Variants in TAOK1 observed in about 807,000 individuals in gnomAD.
TAOK1 encodes TAO kinase 1.
A neutral mutation model predicts 138.3 loss-of-function variants in TAOK1; 21 were observed. The ratio of observed to expected loss-of-function variants is 0.15; its 90% CI spans 0.11 to 0.22. The LOEUF is 0.22. TAOK1 is among the 10% of genes least tolerant of loss of function. The pLI is 1.00. For synonymous variants in TAOK1, 361 were observed against 398.4 expected (o/e 0.91, Z 1.12); for missense variants, 651 against 1,227.7 (o/e 0.53, Z 7.02).
At chr17:29,403,051 C>T (rs1166467624) in intron 1 of TAOK1, among the ~76,000 whole-genome samples, 1 of 148,118 alleles carries the variant, frequency 6.8e-6, no homozygotes, top group Non-Finnish European at 1.5e-5. Flanking sequence ...ATCCCAGCTA[C>T]TAGGGAGCCT....
Position 29,423,971 on chromosome 17 carries a change from C to A in TAOK1, c.-94-27484C>A, listed in dbSNP as rs552513468. On this transcript the variant is annotated intron_variant, in intron 1 of 19. Coordinates refer to ENST00000261716, the MANE Select transcript of TAOK1 (RefSeq NM_020791.4). ...GGCTGAGGCAGAAGAATTGCTTGAA[C>A]CCGGGAGGCGGAGGTTGCAGTGAGC... is the stretch of plus-strand genomic sequence containing the variant. Among the ~76,000 whole-genome samples, 3 of 150,934 alleles carry A rather than the reference C, an allele frequency of 2.0e-5. No homozygotes were observed. In the South Asian group the frequency reaches 6.3e-4, roughly 32 times the overall value.
At chr17:29,520,183 GAAA>G (rs535870675) in intron 16 of TAOK1, among the ~76,000 whole-genome samples, 1 of 70,190 alleles carries the variant, frequency 1.4e-5, no homozygotes. Context: ...TCTGTCTGAA[GAAA>G]AAAAAAAAAA....
intron 1 of TAOK1, among the ~76,000 whole-genome samples, chr17:29,413,089 A>G (rs893287869): frequency 2.0e-5 from 3 of 151,940 alleles, no homozygotes; most frequent in Middle Eastern, 6.8e-3. Context: ...ACTGAGACTC[A>G]GAATTAAGAC....
chr17:29,442,295 C>G (rs1365949709), intron 1 of TAOK1, among the ~76,000 whole-genome samples: 1 of 151,908 alleles, frequency 6.6e-6, no homozygotes, highest in Non-Finnish European at 1.5e-5. Context: ...GTTTTCCCAC[C>G]TAGGCCTCCC....
At chr17:29,500,222 T>C (rs2031498958) in intron 12 of TAOK1, among the ~76,000 whole-genome samples, 1 of 151,928 alleles carries the variant, frequency 6.6e-6, no homozygotes, top group Non-Finnish European at 1.5e-5. Context: ...GCTAAGGTGG[T>C]AGGTTCACTT....
chr17:29,430,885 CA>C (rs1905806575), intron 1 of TAOK1, among the ~76,000 whole-genome samples: 1 of 152,068 alleles, frequency 6.6e-6, no homozygotes, highest in South Asian at 2.1e-4. Context: ...TTTTGATGGC[CA>C]GGGGTAGTAT....
chr17:29,434,431 C>T (rs1390951929), intron 1 of TAOK1, among the ~76,000 whole-genome samples: 4 of 152,082 alleles, frequency 2.6e-5, no homozygotes, highest in African/African-American at 7.2e-5. Flanking sequence ...AAGAGGGAAG[C>T]AGGCCTCCCT....
rs936804037 is a variant in TAOK1 at position 29,546,927 on chromosome 17, CCT to C, written c.*3908_*3909del. The C allele has an allele frequency of 8.6e-5, 13 of 151,980 alleles. No homozygotes were observed. The highest frequency in any genetic ancestry group is 3.1e-4 in the African/African-American group (13 of 41,390). The allele number at this position is 151,980 out of a possible 1,614,324, so 9.4% of individuals were successfully genotyped here. A position where few individuals can be genotyped will look rare whatever the true frequency, so the allele number is the denominator to read the frequency against. ...GATGCAGTCTTTTCCTTTTTAATCC[CCT>C]CTTAGCACTTCTGTGAGTGGAGAGG... On this transcript the variant is annotated 3_prime_UTR_variant, in exon 20 of 20. Coordinates refer to ENST00000261716, the MANE Select transcript of TAOK1 (RefSeq NM_020791.4).
chr17:29,428,601 G>A (rs1442882406), intron 1 of TAOK1, among the ~76,000 whole-genome samples: 1 of 152,058 alleles, frequency 6.6e-6, no homozygotes, highest in Non-Finnish European at 1.5e-5. Context: ...ATAATTTGAG[G>A]TGGTAATTAT....
At chr17:29,507,778 G>A in intron 13 of TAOK1, 118 bp from the exon 14 acceptor site, 1 of 910,158 alleles carries the variant, frequency 1.1e-6, no homozygotes, top group Non-Finnish European at 1.6e-6. Flanking sequence ...CTTGGAATCT[G>A]CTAACATTGG....
chr17:29,502,678 C>G lies in TAOK1; in HGVS notation c.1293C>G (p.His431Gln). 6.2e-7 allele frequency: 1 copy of G among 1,613,918 alleles called. No homozygotes were observed. Among genetic ancestry groups the G allele is most frequent in the South Asian group, 1.1e-5 (1 of 91,080 alleles). Residue 431 changes from histidine (H) to glutamine (Q), a missense_variant, in exon 13 of 20, where the codon CAC becomes CAG. Transcript: ENST00000261716. ...SPPQVSRHKS[H>Q]YRNREHFATI... ...CCCAAGTATCTCGTCACAAATCACA[C>G]TATCGTAATCGAGAACACTTTGCTA...
At chr17:29,471,620 C>G (rs1230114208) in intron 3 of TAOK1, among the ~76,000 whole-genome samples, 1 of 152,086 alleles carries the variant, frequency 6.6e-6, no homozygotes, top group Non-Finnish European at 1.5e-5. Flanking sequence ...TAATTTGAGC[C>G]TTCAGCATGT....
intron 1 of TAOK1, among the ~76,000 whole-genome samples, chr17:29,436,827 A>G (rs769587140): frequency 2.0e-5 from 3 of 152,310 alleles, no homozygotes; most frequent in Middle Eastern, 3.4e-3. Flanking sequence ...TAAACGTGTC[A>G]CATAATCCTG....
At chr17:29,526,277 C>T (rs751025119) in intron 17 of TAOK1, among the ~76,000 whole-genome samples, 1 of 152,036 alleles carries the variant, frequency 6.6e-6, no homozygotes, top group Non-Finnish European at 1.5e-5. Flanking sequence ...AAGGGCAAAA[C>T]TCCATCTCAA....
chr17:29,431,221 G>A (rs750015258), intron 1 of TAOK1, among the ~76,000 whole-genome samples: 1 of 152,142 alleles, frequency 6.6e-6, no homozygotes, highest in Non-Finnish European at 1.5e-5. Flanking sequence ...AGGTGAGAGT[G>A]CTTGCGCTCT....
intron 1 of TAOK1, among the ~76,000 whole-genome samples, chr17:29,442,644 A>G (rs2029975452): frequency 6.6e-6 from 1 of 152,202 alleles, no homozygotes; most frequent in Admixed American, 6.5e-5. Flanking sequence ...ATAGGATAGT[A>G]TGGTTAAGAA....
chr17:29,536,936 G>A (rs573263978), intron 19 of TAOK1, among the ~76,000 whole-genome samples: 11 of 152,168 alleles, frequency 7.2e-5, no homozygotes, highest in African/African-American at 2.4e-4. Context: ...TCCTGACCTC[G>A]TGATCCGCCT....
At chr17:29,439,360 G>T (rs1013662910) in intron 1 of TAOK1, among the ~76,000 whole-genome samples, 1 of 151,926 alleles carries the variant, frequency 6.6e-6, no homozygotes, top group African/African-American at 2.4e-5. Context: ...GCGCCACCAT[G>T]CCTGGCTAAT....
chr17:29,479,320 T>C (rs2031010581), intron 6 of TAOK1, among the ~76,000 whole-genome samples: 1 of 152,210 alleles, frequency 6.6e-6, no homozygotes. Context: ...TTATTACATA[T>C]ATGAACCAGG....
Sources: allele counts gnomAD v4.1 joint callset (sites outside exome capture counted in the v4.1 genomes callset), GRCh38; gene constraint gnomAD v4.1.1; transcripts MANE v1.5; gene names NCBI Gene and HGNC (gene_info 2026-07-23, HGNC 2026-07-21).